BBS4: variants seen among roughly 807,000 people sequenced by gnomAD.
BBS4 encodes Bardet-Biedl syndrome 4, also known as BBSome complex member BBS4.
Under a neutral mutation model 71.4 loss-of-function variants are expected in BBS4, and 58 were observed. The ratio of observed to expected loss-of-function variants is 0.81; its 90% CI spans 0.66 to 1.01. The LOEUF is 1.01. BBS4 is among the 50% of genes least tolerant of loss of function. BBS4 has a pLI of 0.00. For missense variants in BBS4, 660 were observed against 607.9 expected, an observed-to-expected ratio of 1.09 and a Z score of -0.90; for synonymous variants, 228 against 216.8, an observed-to-expected ratio of 1.05 and a Z score of -0.46.
rs1301238323 is a variant in BBS4, at chr15:72,722,811, A to G, written c.423A>G (p.Leu141=). 5 of 1,613,918 alleles carry G rather than the reference A, an allele frequency of 3.1e-6. No homozygotes were observed. Among genetic ancestry groups the G allele is most frequent in the East Asian group, 4.5e-5 (2 of 44,832 alleles). ...GAGCCTAGGAGATCAGCCATAACCT[A>G]GGAGTTTGCTACATATACCTGAAGC... is the stretch of plus-strand genomic sequence containing the variant. ...NQKDWEISHN[L]GVCYIYLKQF... Residue 141 remains leucine, a synonymous_variant, in exon 7 of 16, where the codon CTA becomes CTG. Transcript: ENST00000268057.
chr15:72,735,344 G>A (rs2065901542), intron 13 of BBS4, 162 bp downstream of exon 13: 2 of 674,894 alleles, frequency 3.0e-6, no homozygotes, highest in Admixed American at 2.1e-5. Flanking sequence ...TCCTAAGTAT[G>A]TGGTGGCTCA....
chr15:72,736,910 A>G lies in BBS4; in HGVS notation c.1397A>G (p.Gln466Arg). Residue 466 changes from glutamine (Q) to arginine (R), a missense_variant, in exon 15 of 16, where the codon CAA (glutamine) becomes CGA (arginine). Gln to Arg is a conservative substitution (Grantham distance 43). Transcript: ENST00000268057. ...TTCCAGCAGCCTCTGGGCTCTAATC[A>G]AGCTCTAGGACAGGCAATGTCTTCA... ...ASFQQPLGSN[Q>R]ALGQAMSSAA... 1.2e-6 allele frequency: 2 copies of G among 1,614,136 alleles called. No individual in the cohort carries two copies. The highest frequency in any genetic ancestry group is 1.7e-6 in the Non-Finnish European group (2 of 1,180,022).
intron 6 of BBS4, among the ~76,000 whole-genome samples, chr15:72,717,931 C>T (rs2065496109): frequency 6.6e-6 from 1 of 152,124 alleles, no homozygotes; most frequent in Non-Finnish European, 1.5e-5. Flanking sequence ...TCACTGCAAC[C>T]TCTTTCTTCC....
rs759937044 is a variant in BBS4 at position 72,709,722 on chromosome 15, G to A, written c.99G>A (p.Glu33=). The A allele has an allele frequency of 4.3e-6, 7 of 1,613,592 alleles. No homozygotes were observed. The highest frequency in any genetic ancestry group is 5.9e-6 in the Non-Finnish European group (7 of 1,179,658). ...TAGCTCCAGAGTTTCCTATTTTGGA[G>A]AAGCAGAACTGGTTGATTCATCTTC... The part of the protein sequence containing the change: ...QKKAPEFPIL[E]KQNWLIHLHY... Residue 33 remains glutamate, a synonymous_variant, in exon 3 of 16, where the codon GAG becomes GAA. Transcript: ENST00000268057.
chr15:72,732,504 C>T (rs538411296), intron 12 of BBS4, among the ~76,000 whole-genome samples: 128 of 152,282 alleles, frequency 8.4e-4, no homozygotes, highest in African/African-American at 2.9e-3. Context: ...AAGCAGATTT[C>T]CATGTCCTCA....
intron 2 of BBS4, among the ~76,000 whole-genome samples, chr15:72,707,392 T>G (rs2065284538): frequency 6.6e-6 from 1 of 152,036 alleles, no homozygotes; most frequent in African/African-American, 2.4e-5. Context: ...TTGTCCAGGC[T>G]GACCTCAAAC....
At chr15:72,729,800 GA>G (rs1311434879) in intron 10 of BBS4, 116 bp downstream of exon 10, 1 of 839,270 alleles carries the variant, frequency 1.2e-6, no homozygotes, top group East Asian at 2.5e-5. Context: ...CTGAGAAATA[GA>G]AAAAATATAA....
In BBS4 at chr15:72,693,543, A is replaced by G. The variant is rs76269491; in HGVS notation, c.25-1634A>G. 7.8e-3 allele frequency among the ~76,000 whole-genome samples: 1,185 copies of G among 152,324 alleles called. 16 individuals are homozygous for G. The highest frequency in any genetic ancestry group is 0.027 in the African/African-American group (1,115 of 41,568). ...TACTCAGCAATGCTGTTGTAGGACAAAAGCAACCATAGACATTATGTAAAC... is the reference window on the plus strand; with the variant it reads ...TACTCAGCAATGCTGTTGTAGGACAGAAGCAACCATAGACATTATGTAAAC... On this transcript the variant is annotated intron_variant, in intron 1 of 15. Coordinates refer to ENST00000268057, the MANE Select transcript of BBS4 (RefSeq NM_033028.5).
intron 2 of BBS4, among the ~76,000 whole-genome samples, chr15:72,703,343 C>G (rs1239398324): frequency 1.3e-5 from 2 of 152,180 alleles, no homozygotes; most frequent in Admixed American, 6.5e-5. Flanking sequence ...ATTGCCTGTT[C>G]TCTGCATTAA....
chr15:72,712,136 G>T, intron 3 of BBS4, 108 bp from the exon 4 acceptor site: 2 of 963,950 alleles, frequency 2.1e-6, no homozygotes, highest in South Asian at 2.8e-5. Context: ...CAAAGTTTTG[G>T]GATTACAAGC....
intron 2 of BBS4, among the ~76,000 whole-genome samples, chr15:72,705,587 CT>C (rs762708438): frequency 1.3e-3 from 109 of 86,830 alleles, no homozygotes; most frequent in East Asian, 4.8e-3. Context: ...ATGGCTTGTC[CT>C]TTTTTTTTTT....
At position 72,738,130 on chromosome 15, in the gene BBS4, G is replaced by C. The variant is rs1397508378; in HGVS notation, c.*543G>C. ...CAAAAGCCCTGGAAGTTGAGGCCAA[G>C]CCTGCTGAGTATTGCAGCTGCATTT... is the stretch of plus-strand genomic sequence containing the variant. On this transcript the variant is annotated 3_prime_UTR_variant, in exon 16 of 16. Transcript: ENST00000268057. 6 of 452,548 alleles carry C rather than the reference G, an allele frequency of 1.3e-5. No individual in the cohort carries two copies. The highest frequency in any genetic ancestry group is 4.7e-5 in the Admixed American group (2 of 42,230). 28.0% of individuals were successfully genotyped at this position (452,548 alleles called of 1,614,324 possible). A position where few individuals can be genotyped will look rare whatever the true frequency, so the allele number is the denominator to read the frequency against.
At chr15:72,734,091 C>T (rs372407143) in intron 12 of BBS4, among the ~76,000 whole-genome samples, 30 of 152,084 alleles carry the variant, frequency 2.0e-4, no homozygotes, top group South Asian at 6.2e-4. Context: ...ATGTCCTTTG[C>T]CCATTTTAAT....
Position 72,731,681 on chromosome 15 carries a change from A to T in BBS4, c.991A>T (p.Ile331Phe), listed in dbSNP as rs1316841175. 6.2e-7 allele frequency: 1 copy of T among 1,614,124 alleles called. No individual in the cohort carries two copies. The highest frequency in any genetic ancestry group is 1.3e-5 in the African/African-American group (1 of 74,944). ...AGCTTTTCATTTTCTCAGTGCGGCCATCAACTTCCAGCCAAAGATGGGGGA... is the reference window on the plus strand; with the variant it reads ...AGCTTTTCATTTTCTCAGTGCGGCCTTCAACTTCCAGCCAAAGATGGGGGA... ...ASAFHFLSAA[I>F]NFQPKMGELY... is the part of the protein sequence containing the mutation. The change falls in exon 12 of 16, where the codon ATC becomes TTC. Residue 331 changes from isoleucine to phenylalanine, a missense_variant. Ile to Phe is a conservative substitution (Grantham distance 21, BLOSUM62 0). Transcript: ENST00000268057.
At chr15:72,724,240 T>C (rs182875242) in intron 7 of BBS4, among the ~76,000 whole-genome samples, 7 of 152,352 alleles carry the variant, frequency 4.6e-5, no homozygotes, top group South Asian at 2.1e-4. Context: ...TTTTGACTTA[T>C]GAAGTATGAG....
In BBS4 at chr15:72,738,176, A is replaced by G. The variant is rs996471763; in HGVS notation, c.*589A>G. ...CATTTGCCCAAAGGGAATCCAGAAC[A>G]AGTCCCTCCCTGTATTTTGTTCTTG... On this transcript the variant is annotated 3_prime_UTR_variant, in exon 16 of 16. Transcript: ENST00000268057. 2 of 451,002 alleles carry G rather than the reference A, an allele frequency of 4.4e-6. No individual in the cohort carries two copies. Among genetic ancestry groups the G allele is most frequent in the Non-Finnish European group, 4.4e-6 (1 of 225,702 alleles). The allele number at this position is 451,002 out of a possible 1,614,324, so 27.9% of individuals were successfully genotyped here.
intron 2 of BBS4, among the ~76,000 whole-genome samples, chr15:72,708,388 C>T (rs1199056116): frequency 6.6e-6 from 1 of 152,170 alleles, no homozygotes; most frequent in Non-Finnish European, 1.5e-5. Flanking sequence ...TGGACACTTA[C>T]CAGTTCCCAA....
intron 13 of BBS4, 43 bp downstream of exon 13, chr15:72,735,225 TC>T (rs2065898556): frequency 6.7e-7 from 1 of 1,486,840 alleles, no homozygotes; most frequent in East Asian, 2.3e-5. Flanking sequence ...GGTTGGACTC[TC>T]CAAAGCCATG....
At chr15:72,702,841 T>G (rs2065196600) in intron 2 of BBS4, among the ~76,000 whole-genome samples, 1 of 128,154 alleles carries the variant, frequency 7.8e-6, no homozygotes, top group African/African-American at 2.8e-5. Context: ...GGAGTCTCGC[T>G]CTGTCGCCCA....
Sources: allele counts gnomAD v4.1 joint callset (sites outside exome capture counted in the v4.1 genomes callset), GRCh38; gene constraint gnomAD v4.1.1; transcripts MANE v1.5; gene names NCBI Gene and HGNC (gene_info 2026-07-23, HGNC 2026-07-21).